GRK5: variants seen among roughly 807,000 people sequenced by gnomAD.
The protein encoded by GRK5 is G protein-coupled receptor kinase 5, also known as g protein-coupled receptor kinase GRK5.
GRK5 carries 40 observed loss-of-function variants against 78.4 expected under a neutral mutation model. That is an observed-to-expected ratio of 0.51 (90% CI 0.40 to 0.66). The LOEUF is 0.66. Among genes scored for constraint, GRK5 ranks in the 30% least tolerant of loss-of-function variants. The pLI is 0.00. For synonymous variants in GRK5, 289 were observed against 296.8 expected, an observed-to-expected ratio of 0.97 and a Z score of 0.27; for missense variants, 598 against 759.9, an observed-to-expected ratio of 0.79 and a Z score of 2.50.
chr10:119,317,351 T>G (rs1407201743), intron 1 of GRK5, among the ~76,000 whole-genome samples: 2 of 76,404 alleles, frequency 2.6e-5, no homozygotes, highest in African/African-American at 1.4e-4. Context: ...TAGATGGGTG[T>G]GTGTGTGTGT....
At chr10:119,388,206 T>C (rs1292449285) in intron 3 of GRK5, among the ~76,000 whole-genome samples, 2 of 152,126 alleles carry the variant, frequency 1.3e-5, no homozygotes, top group Non-Finnish European at 2.9e-5. Context: ...GCTTCCACCT[T>C]GGCTTCCCAA....
rs139403418 is a variant in GRK5, at chr10:119,385,084, G to T, written c.261+4157G>T. Among the ~76,000 whole-genome samples the T allele has an allele frequency of 1.6e-3, 236 of 152,048 alleles. 1 individual carries two copies. The highest frequency in any genetic ancestry group is 5.5e-3 in the African/African-American group (226 of 41,442). ...CAGGCAGGGAACAGCCAGCACAAAG[G>T]CCTGAAGGCACGAGTGTCCGCAGTT... On this transcript the variant is annotated intron_variant, in intron 3 of 15. Transcript: ENST00000392870.
chr10:119,371,817 G>A (rs767716629), intron 2 of GRK5, among the ~76,000 whole-genome samples: 12 of 152,220 alleles, frequency 7.9e-5, no homozygotes, highest in Admixed American at 5.9e-4. Flanking sequence ...TCTGTCCAGT[G>A]GCTGCTGTTT....
chr10:119,261,647 G>A (rs375218140), intron 1 of GRK5, among the ~76,000 whole-genome samples: 2 of 152,160 alleles, frequency 1.3e-5, no homozygotes, highest in Non-Finnish European at 2.9e-5. Flanking sequence ...CTGCAATCCC[G>A]GCACCTCGGG....
intron 2 of GRK5, among the ~76,000 whole-genome samples, chr10:119,369,472 C>T (rs1275276775): frequency 5.9e-5 from 9 of 152,222 alleles, no homozygotes; most frequent in Non-Finnish European, 1.3e-4. Flanking sequence ...ATTCCCCAGG[C>T]CCCGCACGGA....
intron 1 of GRK5, among the ~76,000 whole-genome samples, chr10:119,228,025 A>G (rs1848768224): frequency 6.6e-6 from 1 of 152,204 alleles, no homozygotes; most frequent in South Asian, 2.1e-4. Context: ...GATGTTTATA[A>G]TAGAGGTTAA....
intron 1 of GRK5, among the ~76,000 whole-genome samples, chr10:119,312,862 C>T (rs1239750925): frequency 6.6e-5 from 2 of 30,334 alleles, no homozygotes; most frequent in African/African-American, 1.0e-4. Context: ...TTGAGACCTG[C>T]TGTTTGTCCC....
intron 1 of GRK5, among the ~76,000 whole-genome samples, chr10:119,291,632 CCTT>C (rs1421724474): frequency 1.4e-4 from 21 of 149,080 alleles, no homozygotes; most frequent in South Asian, 2.2e-4. Flanking sequence ...TCCTCTTCCT[CCTT>C]CTCTTCTTCC....
intron 1 of GRK5, among the ~76,000 whole-genome samples, chr10:119,291,750 A>C (rs1220064583): frequency 1.7e-3 from 162 of 94,174 alleles, no homozygotes; most frequent in African/African-American, 2.2e-3. Flanking sequence ...CTTCCTCTTC[A>C]TCCTCTTCCT....
chr10:119,263,747 C>T (rs549799558), intron 1 of GRK5, among the ~76,000 whole-genome samples: 1 of 151,998 alleles, frequency 6.6e-6, no homozygotes, highest in Non-Finnish European at 1.5e-5. Flanking sequence ...CATGGTGAAA[C>T]CCCATCTCTA....
At chr10:119,383,082 C>T (rs550703158) in intron 3 of GRK5, among the ~76,000 whole-genome samples, 4 of 152,224 alleles carry the variant, frequency 2.6e-5, no homozygotes, top group South Asian at 2.1e-4. Context: ...CCACTACACC[C>T]GGCTAATTTT....
At position 119,430,911 on chromosome 10, in the gene GRK5, C is replaced by T. The variant is rs1852804615; in HGVS notation, c.597+473C>T. ...GCTGAGGTCCAGAATGGTTAGGTGA[C>T]CCAGCCAAGGGCGCGCAGACAATGT... is the stretch of plus-strand genomic sequence containing the variant. On this transcript the variant is annotated intron_variant, in intron 7 of 15. Coordinates refer to ENST00000392870, the MANE Select transcript of GRK5 (RefSeq NM_005308.3). The surrounding 1 kb of genome is among the most constrained non-coding windows in gnomAD (Gnocchi z 4.5). Among the ~76,000 whole-genome samples, 1 of 152,190 alleles carries T rather than the reference C, an allele frequency of 6.6e-6. No individual in the cohort carries two copies. The highest frequency in any genetic ancestry group is 1.5e-5 in the Non-Finnish European group (1 of 68,028).
intron 4 of GRK5, among the ~76,000 whole-genome samples, chr10:119,420,796 G>C (rs1852556388): frequency 6.6e-6 from 1 of 152,084 alleles, no homozygotes; most frequent in South Asian, 2.1e-4. Context: ...TCCCAGGCTG[G>C]TCTCAAACTC....
chr10:119,236,781 G>A (rs896506875), intron 1 of GRK5, among the ~76,000 whole-genome samples: 4 of 151,848 alleles, frequency 2.6e-5, no homozygotes, highest in Non-Finnish European at 5.9e-5. Flanking sequence ...CTGGGCACAC[G>A]CCACTGCACC....
chr10:119,250,600 C>T (rs75178913), intron 1 of GRK5, among the ~76,000 whole-genome samples: 3,180 of 149,618 alleles, frequency 0.021, 58 homozygotes, highest in Admixed American at 0.055. Context: ...CCTACTGCCT[C>T]GGCCTCCCAA....
At chr10:119,365,726 C>G (rs747598660) in intron 2 of GRK5, among the ~76,000 whole-genome samples, 2 of 152,188 alleles carry the variant, frequency 1.3e-5, no homozygotes, top group Non-Finnish European at 2.9e-5. Context: ...GCTTTCCTTT[C>G]GGTTTTCTAC....
chr10:119,233,777 C>T (rs927779928), intron 1 of GRK5, among the ~76,000 whole-genome samples: 2 of 152,092 alleles, frequency 1.3e-5, no homozygotes, highest in African/African-American at 4.8e-5. Context: ...TGGATGTGCA[C>T]CTTTGTCCCA....
rs774211134 is a variant in GRK5 at position 119,394,334 on chromosome 10, GTC to G, written c.262-2359_262-2358del. 3.7e-3 allele frequency among the ~76,000 whole-genome samples: 381 copies of G among 101,648 alleles called. 43 individuals are homozygous for G. Among genetic ancestry groups the G allele is most frequent in the Admixed American group, 0.017 (189 of 11,348 alleles). The allele number at this position is 101,648 out of a possible 152,430, so 66.7% of individuals were successfully genotyped here. A position where few individuals can be genotyped will look rare whatever the true frequency, so the allele number is the denominator to read the frequency against. On this transcript the variant is annotated intron_variant, in intron 3 of 15. Coordinates refer to ENST00000392870, the MANE Select transcript of GRK5 (RefSeq NM_005308.3). The stretch of plus-strand genomic sequence containing the variant: ...GGCACGTGGGTGTGTGTATCTGTGT[GTC>G]TGTGTGTGGGCATGTGGGTGTGTGG...
chr10:119,262,535 G>T (rs1849429778), intron 1 of GRK5, among the ~76,000 whole-genome samples: 1 of 151,832 alleles, frequency 6.6e-6, no homozygotes, highest in Non-Finnish European at 1.5e-5. Context: ...GTAGAGATGG[G>T]GTTTCACCAT....
Sources: gnomAD v4.1 joint callset for allele counts (sites outside exome capture counted in the v4.1 genomes callset) on GRCh38, gnomAD v4.1.1 for gene constraint, Gnocchi (gnomAD v3.1) non-coding constraint, MANE v1.5 for transcripts, NCBI Gene and HGNC (gene_info 2026-07-23, HGNC 2026-07-21) for gene names.